Variants in DLGAP1 observed in about 807,000 individuals in gnomAD.
DLGAP1 encodes the protein disks large-associated protein 1.
Under a neutral mutation model 90.8 loss-of-function variants are expected in DLGAP1, and 11 were observed. That is an observed-to-expected ratio of 0.12 (90% confidence interval 0.08 to 0.20). DLGAP1 has a LOEUF of 0.20. Among genes scored for constraint, DLGAP1 ranks in the 10% least tolerant of loss-of-function variants. The pLI, the probability that DLGAP1 is intolerant of heterozygous loss-of-function variation, is 1.00. For missense variants in DLGAP1, 1,050 were observed against 1,333.8 expected, an observed-to-expected ratio of 0.79 and a Z score of 3.31; for synonymous variants, 558 against 540.7, an observed-to-expected ratio of 1.03 and a Z score of -0.44.
intron 1 of DLGAP1, among the ~76,000 whole-genome samples, chr18:4,377,396 C>T (rs2082035690): frequency 6.6e-6 from 1 of 152,078 alleles, no homozygotes; most frequent in Admixed American, 6.6e-5. Context: ...AAATACATTG[C>T]TTAAAAATGT....
chr18:3,743,378 G>A (rs1417805997), intron 5 of DLGAP1, among the ~76,000 whole-genome samples: 3 of 150,554 alleles, frequency 2.0e-5, no homozygotes, highest in East Asian at 2.0e-4. Context: ...TTTTTGAGAC[G>A]GAGTCTTGCT....
intron 7 of DLGAP1, chr18:3,679,934 C>T (rs2060451863): frequency 6.6e-6 from 1 of 151,490 alleles, no homozygotes; most frequent in African/African-American, 2.4e-5. Flanking sequence ...GGTCTTCCCA[C>T]TTCAGCCTCC....
intron 3 of DLGAP1, among the ~76,000 whole-genome samples, chr18:3,924,832 C>T (rs746779334): frequency 2.0e-5 from 3 of 152,060 alleles, no homozygotes; most frequent in Non-Finnish European, 4.4e-5. Context: ...TTGTTTTGCC[C>T]ACCTTTTGCT....
chr18:3,927,000 A>C (rs1263458753), intron 3 of DLGAP1, among the ~76,000 whole-genome samples: 1 of 152,348 alleles, frequency 6.6e-6, no homozygotes, highest in East Asian at 1.9e-4. Context: ...CTGGGGCAGC[A>C]AATTAAAAAA....
At chr18:4,429,819 GAATAA>G (rs2083243135) in intron 1 of DLGAP1, among the ~76,000 whole-genome samples, 1 of 151,958 alleles carries the variant, frequency 6.6e-6, no homozygotes, top group Non-Finnish European at 1.5e-5. Flanking sequence ...AAAAATGAGG[GAATAA>G]ATGGATGAAC....
intron 2 of DLGAP1, among the ~76,000 whole-genome samples, chr18:4,027,503 C>CAAAAAAAAAAAAAAAAAA (rs59592467): frequency 1.8e-5 from 1 of 55,580 alleles, no homozygotes. Context: ...GACTCCGTCT[C>CAAAAAAAAAAAAAAAAAA]AAAAAAAAAA....
chr18:3,849,831 TTGAA>T (rs1395169557), intron 4 of DLGAP1, among the ~76,000 whole-genome samples: 1 of 152,150 alleles, frequency 6.6e-6, no homozygotes, highest in East Asian at 1.9e-4. Context: ...ATAAATATTT[TTGAA>T]TGAATGAATG....
intron 2 of DLGAP1, among the ~76,000 whole-genome samples, chr18:4,010,075 C>T (rs1446643941): frequency 1.3e-5 from 2 of 152,206 alleles, no homozygotes; most frequent in Non-Finnish European, 2.9e-5. Context: ...TTTCTTGTAA[C>T]AGACTCTACC....
chr18:4,015,667 C>T lies in DLGAP1; in HGVS notation c.-158-10466G>A, dbSNP rs1370502882. 3.3e-5 allele frequency among the ~76,000 whole-genome samples: 5 copies of T among 152,128 alleles called. No homozygotes were observed. In the South Asian group the frequency reaches 6.2e-4, roughly 19 times the overall value. ...TATCAGAAAAAATGTCCTTGTCAGA[C>T]CTAAGTGTCAGGAAAATCTTTGCTT... is the stretch of plus-strand genomic sequence containing the variant. On this transcript the variant is annotated intron_variant, in intron 2 of 12. Transcript: ENST00000315677.
intron 3 of DLGAP1, among the ~76,000 whole-genome samples, chr18:3,880,881 T>G (rs1463907409): frequency 7.2e-6 from 1 of 138,924 alleles, no homozygotes; most frequent in African/African-American, 2.8e-5. Flanking sequence ...AGGCGGAGCT[T>G]GCAGTGAGCA....
chr18:3,751,558 AT>A (rs71160916), intron 5 of DLGAP1, among the ~76,000 whole-genome samples: 4,892 of 117,768 alleles, frequency 0.042, 128 homozygotes, highest in Middle Eastern at 0.14. Context: ...ACCCGACAAA[AT>A]TTTTTTTTTT....
chr18:3,700,159 AC>A (rs1320921085), intron 7 of DLGAP1, among the ~76,000 whole-genome samples: 4 of 152,008 alleles, frequency 2.6e-5, no homozygotes, highest in Admixed American at 6.6e-5. Flanking sequence ...TGTTCCAGGC[AC>A]CACTGGGGTA....
At chr18:3,561,149 C>T (rs1210156053) in intron 9 of DLGAP1, among the ~76,000 whole-genome samples, 1 of 149,910 alleles carries the variant, frequency 6.7e-6, no homozygotes, top group African/African-American at 2.5e-5. Flanking sequence ...GGCACACTGT[C>T]CCACGCCTAT....
chr18:3,779,135 G>A (rs182247567), intron 5 of DLGAP1, among the ~76,000 whole-genome samples: 17 of 152,240 alleles, frequency 1.1e-4, no homozygotes, highest in Admixed American at 5.9e-4. Context: ...CTTCTGTCCC[G>A]ATCTCAGAGC....
intron 4 of DLGAP1, chr18:3,874,255 G>C (rs2070926971): frequency 6.5e-7 from 1 of 1,549,576 alleles, no homozygotes. Flanking sequence ...TTCATCTCTG[G>C]GAGTGCTTTC....
At chr18:4,333,911 T>C (rs550129356) in intron 1 of DLGAP1, among the ~76,000 whole-genome samples, 2 of 149,870 alleles carry the variant, frequency 1.3e-5, no homozygotes, top group East Asian at 4.1e-4. Context: ...TATTTTTAAC[T>C]GAATGCTTAA....
At chr18:3,741,137 A>C (rs1598538980) in intron 6 of DLGAP1, among the ~76,000 whole-genome samples, 1 of 62,302 alleles carries the variant, frequency 1.6e-5, no homozygotes, top group African/African-American at 7.1e-5. Flanking sequence ...CCACCACCAC[A>C]TCACCATCAC....
chr18:4,119,739 T>C (rs2076123283), intron 2 of DLGAP1, among the ~76,000 whole-genome samples: 1 of 152,188 alleles, frequency 6.6e-6, no homozygotes, highest in African/African-American at 2.4e-5. Flanking sequence ...AGTAGGAGCT[T>C]ATCTACCCAC....
intron 5 of DLGAP1, among the ~76,000 whole-genome samples, chr18:3,774,983 C>T (rs929634214): frequency 3.9e-5 from 6 of 152,148 alleles, no homozygotes; most frequent in African/African-American, 4.8e-5. Context: ...GAACTCATAT[C>T]GCAGGAAGAA....
Sources: allele counts gnomAD v4.1 joint callset (sites outside exome capture counted in the v4.1 genomes callset), GRCh38; gene constraint gnomAD v4.1.1; transcripts MANE v1.5; gene names NCBI Gene and HGNC (gene_info 2026-07-23, HGNC 2026-07-21).